The following CTTNBP2 variants were observed in gnomAD, a reference collection of about 807,000 sequenced individuals.
The protein encoded by CTTNBP2 is cortactin-binding protein 2.
In CTTNBP2, 108 loss-of-function variants were observed where a neutral mutation model predicts 156.9. That is an observed-to-expected ratio of 0.69 (90% CI 0.59 to 0.81). The LOEUF (loss-of-function observed/expected upper bound fraction) is 0.81. Among genes scored for constraint, CTTNBP2 ranks in the 30% least tolerant of loss-of-function variants. The pLI is 0.00. For missense variants in CTTNBP2, 1,924 were observed against 2,035.4 expected, an observed-to-expected ratio of 0.95 and a Z score of 1.05; for synonymous variants, 767 against 751.8, an observed-to-expected ratio of 1.02 and a Z score of -0.33.
intron 10 of CTTNBP2, among the ~76,000 whole-genome samples, chr7:117,758,306 G>C (rs1484880063): frequency 6.6e-6 from 1 of 151,976 alleles, no homozygotes; most frequent in African/African-American, 2.4e-5. Context: ...ACTGTTTCAG[G>C]GTTCTTCCAA....
At chr7:117,830,859 A>G (rs1801561014) in intron 2 of CTTNBP2, among the ~76,000 whole-genome samples, 1 of 152,258 alleles carries the variant, frequency 6.6e-6, no homozygotes, top group Non-Finnish European at 1.5e-5. Flanking sequence ...CAAGGTCATA[A>G]CAAGGATTTA....
At chr7:117,768,577 A>G (rs112248706) in intron 8 of CTTNBP2, among the ~76,000 whole-genome samples, 2 of 27,286 alleles carry the variant, frequency 7.3e-5, no homozygotes, top group South Asian at 2.9e-3. Context: ...AAAAAAAAAA[A>G]AAAAAAAGAA....
chr7:117,863,657 C>T (rs1021522791), intron 1 of CTTNBP2, among the ~76,000 whole-genome samples: 7 of 152,216 alleles, frequency 4.6e-5, no homozygotes, highest in African/African-American at 1.7e-4. Context: ...GTTTTCTCAT[C>T]TGTATAATGG....
intron 3 of CTTNBP2, among the ~76,000 whole-genome samples, chr7:117,807,197 A>G (rs931665134): frequency 2.6e-5 from 4 of 152,226 alleles, no homozygotes; most frequent in African/African-American, 9.6e-5. Flanking sequence ...TTTTTAATGT[A>G]ACAATGCAAC....
intron 8 of CTTNBP2, among the ~76,000 whole-genome samples, chr7:117,776,057 T>G (rs1305301979): frequency 6.6e-6 from 1 of 152,230 alleles, no homozygotes; most frequent in Non-Finnish European, 1.5e-5. Context: ...AATACACATC[T>G]TTAGCTATCT....
In CTTNBP2 at chr7:117,746,042, T is replaced by C. The variant is rs1158713476; in HGVS notation, c.3406A>G (p.Ile1136Val). ...HGPEGSLQDY[I>V]VHQLALCLKH... ...AGGCAGAGTGCAAGCTGATGTACTA[T>C]GTAGTCTTGCAAGCTTCCTTCTGGG... Residue 1136 changes from isoleucine to valine, a missense_variant, in exon 13 of 23, where the codon ATA becomes GTA. Transcript: ENST00000160373. 2 of 1,613,936 alleles carry C rather than the reference T, an allele frequency of 1.2e-6. No individual in the cohort carries two copies. Among genetic ancestry groups the C allele is most frequent in the Non-Finnish European group, 8.5e-7 (1 of 1,179,906 alleles).
intron 4 of CTTNBP2, among the ~76,000 whole-genome samples, chr7:117,789,053 G>A (rs558280447): frequency 2.0e-5 from 3 of 152,260 alleles, no homozygotes; most frequent in African/African-American, 7.2e-5. Flanking sequence ...TTTCAGAGGA[G>A]TTATAGCTCT....
chr7:117,842,255 C>T (rs898910196), intron 2 of CTTNBP2, among the ~76,000 whole-genome samples: 3 of 152,118 alleles, frequency 2.0e-5, no homozygotes, highest in African/African-American at 7.2e-5. Flanking sequence ...GGCTGGAGTG[C>T]AATGGTGCGA....
chr7:117,867,548 C>G (rs1387259787), intron 1 of CTTNBP2, among the ~76,000 whole-genome samples: 1 of 151,918 alleles, frequency 6.6e-6, no homozygotes, highest in Admixed American at 6.6e-5. Context: ...CTGCCCCCAC[C>G]CCACCATATA....
Position 117,873,352 on chromosome 7 carries a change from C to G in CTTNBP2, c.64G>C (p.Ala22Pro), listed in dbSNP as rs566015453. The change falls in exon 1 of 23, where the codon GCC becomes CCC. Residue 22 changes from alanine (A) to proline (P), a missense_variant. Transcript: ENST00000160373. The stretch of plus-strand genomic sequence containing the variant: ...TCGGTTACCGCCGCCTCCGCCGCGG[C>G]CCCCGCCGCGTCCTCCGGGGCCCGG... ...LSRAPEDAAG[A>P]AAEAAKKEFD... 2 of 1,456,772 alleles carry G rather than the reference C, an allele frequency of 1.4e-6. No homozygotes were observed. Among genetic ancestry groups the G allele is most frequent in the Middle Eastern group, 2.0e-4 (1 of 4,946 alleles). 90.2% of individuals were successfully genotyped at this position (1,456,772 alleles called of 1,614,324 possible).
rs1719122547 is a variant in CTTNBP2 at position 117,727,987 on chromosome 7, A to G, written c.4055+102T>C. The G allele has an allele frequency of 5.0e-6, 5 of 994,358 alleles. No homozygotes were observed. In the South Asian group the frequency reaches 7.9e-5, roughly 16 times the overall value. 61.6% of individuals were successfully genotyped at this position (994,358 alleles called of 1,614,324 possible). On this transcript the variant is annotated intron_variant, in intron 17 of 22. Transcript: ENST00000160373. ...AGCACTGGCACTCCGTGTCAGTGAC[A>G]GGAGGTGGCACAAGGCAGCCTGGTC...
intron 12 of CTTNBP2, among the ~76,000 whole-genome samples, chr7:117,747,759 C>T (rs1271208013): frequency 6.6e-6 from 1 of 152,070 alleles, no homozygotes; most frequent in Non-Finnish European, 1.5e-5. Flanking sequence ...GGCAACAGAG[C>T]GAAACCCTGT....
chr7:117,727,528 T>C (rs1795157875), intron 17 of CTTNBP2, among the ~76,000 whole-genome samples: 1 of 152,202 alleles, frequency 6.6e-6, no homozygotes, highest in South Asian at 2.1e-4. Flanking sequence ...CTTTCCAAAA[T>C]AGACTTCTGC....
chr7:117,719,145 G>A (rs1794634260), intron 21 of CTTNBP2, among the ~76,000 whole-genome samples: 1 of 152,166 alleles, frequency 6.6e-6, no homozygotes. Flanking sequence ...AGCTTGCAGT[G>A]AGCCAAGATC....
chr7:117,857,701 A>AT (rs2117227206), intron 2 of CTTNBP2, among the ~76,000 whole-genome samples: 1 of 152,272 alleles, frequency 6.6e-6, no homozygotes, highest in African/African-American at 2.4e-5. Context: ...GAAAAAAAAA[A>AT]CCAAGATGCA....
intron 2 of CTTNBP2, among the ~76,000 whole-genome samples, chr7:117,833,944 T>C (rs1304070369): frequency 6.6e-6 from 1 of 152,232 alleles, no homozygotes; most frequent in Admixed American, 6.5e-5. Flanking sequence ...TAACCTTAGA[T>C]GCTGCTTACT....
intron 22 of CTTNBP2, chr7:117,716,113 T>C (rs1242216245): frequency 2.0e-5 from 3 of 151,986 alleles, no homozygotes; most frequent in Non-Finnish European, 1.5e-5. Flanking sequence ...CCACATCAAA[T>C]TGCACATTTA....
chr7:117,750,625 GAAC>G (rs1307389655), intron 12 of CTTNBP2, among the ~76,000 whole-genome samples: 2 of 151,874 alleles, frequency 1.3e-5, no homozygotes, highest in African/African-American at 2.4e-5. Flanking sequence ...TTTAAATTCT[GAAC>G]AACAACAAAA....
chr7:117,762,742 A>G (rs1428773896), intron 9 of CTTNBP2, among the ~76,000 whole-genome samples: 1 of 152,172 alleles, frequency 6.6e-6, no homozygotes, highest in Non-Finnish European at 1.5e-5. Flanking sequence ...AAGTTCTTAC[A>G]ATGGCCTACG....
Sources: allele counts gnomAD v4.1 joint callset (sites outside exome capture counted in the v4.1 genomes callset), GRCh38; gene constraint gnomAD v4.1.1; transcripts MANE v1.5; gene names NCBI Gene and HGNC (gene_info 2026-07-23, HGNC 2026-07-21).